GASK1A: variants seen among roughly 807,000 people sequenced by gnomAD.
The protein encoded by GASK1A is Golgi-associated kinase 1A.
A neutral mutation model predicts 41.2 loss-of-function variants in GASK1A; 40 were observed. That is an observed-to-expected ratio of 0.97 (90% CI 0.75 to 1.27). The LOEUF is 1.27. Ranked by LOEUF, GASK1A falls within the 50% of genes most tolerant of loss-of-function variation. GASK1A has a pLI of 0.00. For synonymous variants in GASK1A, 316 were observed against 307.1 expected (o/e 1.03, Z -0.30); for missense variants, 678 against 745.1 (o/e 0.91, Z 1.05).
At chr3:42,996,236 A>C (rs562280612) in intron 1 of GASK1A, among the ~76,000 whole-genome samples, 2 of 152,344 alleles carry the variant, frequency 1.3e-5, no homozygotes, top group East Asian at 3.9e-4. Context: ...GGAAATTACC[A>C]TCATGGTAAT....
At chr3:42,982,106 T>C (rs994772082) in intron 1 of GASK1A, among the ~76,000 whole-genome samples, 1 of 152,178 alleles carries the variant, frequency 6.6e-6, no homozygotes, top group African/African-American at 2.4e-5. Flanking sequence ...GGGGGCATTT[T>C]TGATTATCCT....
chr3:42,993,540 A>T (rs6807814), intron 1 of GASK1A, among the ~76,000 whole-genome samples: 34,887 of 151,976 alleles, frequency 0.23, 4,068 homozygotes, highest in Middle Eastern at 0.32. Flanking sequence ...TTTTCATTTT[A>T]TACAATAAAA....
intron 1 of GASK1A, among the ~76,000 whole-genome samples, chr3:42,996,149 A>C (rs1430669734): frequency 6.6e-6 from 1 of 152,182 alleles, no homozygotes; most frequent in Non-Finnish European, 1.5e-5. Context: ...CTCCGTTGAC[A>C]TTCCTGCCTA....
intron 2 of GASK1A, among the ~76,000 whole-genome samples, chr3:43,041,608 A>T (rs755104134): frequency 6.6e-6 from 1 of 152,220 alleles, no homozygotes. Context: ...TTTCTTCTGC[A>T]TATTAACTTT....
At chr3:43,003,492 C>CA (rs34122767) in intron 1 of GASK1A, among the ~76,000 whole-genome samples, 2,155 of 95,380 alleles carry the variant, frequency 0.023, 35 homozygotes, top group Middle Eastern at 0.058. Flanking sequence ...GAGACTGTCT[C>CA]AAAAAAAAAA....
chr3:43,043,230 C>T (rs1050363091), intron 2 of GASK1A, among the ~76,000 whole-genome samples: 17 of 152,250 alleles, frequency 1.1e-4, no homozygotes, highest in African/African-American at 2.9e-4. Context: ...AGTGTCTCTG[C>T]GCTAGGGGCA....
chr3:43,000,346 C>T (rs1271340663), intron 1 of GASK1A, among the ~76,000 whole-genome samples: 2 of 152,258 alleles, frequency 1.3e-5, no homozygotes, highest in Non-Finnish European at 2.9e-5. Context: ...GGGTTTTGCT[C>T]TTCAGTCAGA....
Position 43,056,307 on chromosome 3 carries a change from C to T in GASK1A, c.1649C>T (p.Thr550Ile). 6.4e-7 allele frequency: 1 copy of T among 1,551,648 alleles called. No individual in the cohort carries two copies. Among genetic ancestry groups the T allele is most frequent in the Non-Finnish European group, 8.7e-7 (1 of 1,146,998 alleles). ...GAQGLKQVLQ[T>I]LEQRGQVLLG... is the part of the protein sequence containing the mutation. ...CAGGGGCTGAAGCAGGTCCTCCAGA[C>T]CCTGGAGCAGCGAGGACAGGTGCTG... is the stretch of plus-strand genomic sequence containing the variant. The change falls in exon 5 of 5, where the codon ACC becomes ATC. Residue 550 changes from threonine to isoleucine, a missense_variant. Thr to Ile is a moderately conservative substitution (Grantham distance 89). Coordinates refer to ENST00000430121, the MANE Select transcript of GASK1A (RefSeq NM_001129908.3).
rs188821490 is a variant in GASK1A, at chr3:43,037,207, C to T, written c.1290+3654C>T. On this transcript the variant is annotated intron_variant, in intron 2 of 4. Transcript: ENST00000430121. ...GAACCTAAGTCAAAATCTGGGGGAT[C>T]GAAGTCCTCTGCTATGTCTTCAGAC... 1,371 of 1,131,888 alleles carry T rather than the reference C, an allele frequency of 1.2e-3. 11 individuals carry two copies. Among genetic ancestry groups the T allele is most frequent in the South Asian group, 5.2e-3 (414 of 79,588 alleles). The allele number at this position is 1,131,888 out of a possible 1,614,324, so 70.1% of individuals were successfully genotyped here.
At chr3:43,031,986 A>C (rs2089578181) in intron 1 of GASK1A, among the ~76,000 whole-genome samples, 2 of 152,208 alleles carry the variant, frequency 1.3e-5, no homozygotes, top group African/African-American at 4.8e-5. Flanking sequence ...TTGTAATGGC[A>C]GTTTATTCAA....
chr3:43,026,102 C>T (rs1358047141), intron 1 of GASK1A, among the ~76,000 whole-genome samples: 1 of 152,104 alleles, frequency 6.6e-6, no homozygotes. Flanking sequence ...GAATCACCAT[C>T]CCCCGCTTGT....
At position 43,032,562 on chromosome 3, in the gene GASK1A, G is replaced by A. The variant is rs1296559897; in HGVS notation, c.299G>A (p.Arg100Lys). ...VCAEEQGHRA[R>K]VDRSRESPGG... ...GCTGAGGAGCAAGGCCATAGAGCAA[G>A]AGTGGACAGAAGCAGGGAGTCCCCA... The change falls in exon 2 of 5, where the codon AGA becomes AAA. Residue 100 changes from arginine to lysine, a missense_variant. Transcript: ENST00000430121. 6.4e-7 allele frequency: 1 copy of A among 1,550,672 alleles called. No homozygotes were observed. The highest frequency in any genetic ancestry group is 8.7e-7 in the Non-Finnish European group (1 of 1,146,086).
chr3:43,035,009 C>A (rs1040706231), intron 2 of GASK1A, among the ~76,000 whole-genome samples: 1 of 152,216 alleles, frequency 6.6e-6, no homozygotes, highest in Admixed American at 6.5e-5. Flanking sequence ...CTCCTCCAAT[C>A]TATGTCCCCG....
intron 2 of GASK1A, among the ~76,000 whole-genome samples, chr3:43,041,485 G>T (rs944497904): frequency 6.6e-6 from 1 of 152,216 alleles, no homozygotes; most frequent in Non-Finnish European, 1.5e-5. Context: ...GTGATGGTGA[G>T]CATTTTTTCA....
At chr3:43,050,164 T>C (rs1035283865) in intron 2 of GASK1A, among the ~76,000 whole-genome samples, 4 of 152,214 alleles carry the variant, frequency 2.6e-5, no homozygotes, top group African/African-American at 9.6e-5. Flanking sequence ...TGTCCTTTCA[T>C]TCAACCTGAA....
rs188972986 is a variant in GASK1A at position 43,050,336 on chromosome 3, A to G, written c.1291-3185A>G. Among the ~76,000 whole-genome samples, 96 of 152,060 alleles carry G rather than the reference A, an allele frequency of 6.3e-4. 1 individual carries two copies. Among genetic ancestry groups the G allele is most frequent in the Admixed American group, 6.3e-3 (96 of 15,284 alleles). On this transcript the variant is annotated intron_variant, in intron 2 of 4. Coordinates refer to ENST00000430121, the MANE Select transcript of GASK1A (RefSeq NM_001129908.3). Reference sequence around the variant, plus strand: ...CTCTTTTTTTTAATTTAATTTCAACACTTTGAATGTTATTCCTCTGCCTTT... The same window carrying G: ...CTCTTTTTTTTAATTTAATTTCAACGCTTTGAATGTTATTCCTCTGCCTTT...
At chr3:43,041,615 CT>C (rs745757072) in intron 2 of GASK1A, among the ~76,000 whole-genome samples, 15 of 152,196 alleles carry the variant, frequency 9.9e-5, no homozygotes, top group Non-Finnish European at 1.8e-4. Flanking sequence ...TGCATATTAA[CT>C]TTGCCACCAT....
chr3:43,009,170 G>A (rs907736800), intron 1 of GASK1A, among the ~76,000 whole-genome samples: 5 of 152,126 alleles, frequency 3.3e-5, no homozygotes, highest in Admixed American at 6.5e-5. Context: ...GGGCAAAGCT[G>A]GGGGGTTGGA....
At chr3:43,025,734 GT>G (rs1053208233) in intron 1 of GASK1A, among the ~76,000 whole-genome samples, 2 of 152,248 alleles carry the variant, frequency 1.3e-5, no homozygotes, top group Non-Finnish European at 2.9e-5. Flanking sequence ...TTGGAAAAAG[GT>G]CGTTGCTCTG....
Sources: allele counts gnomAD v4.1 joint callset (sites outside exome capture counted in the v4.1 genomes callset), GRCh38; gene constraint gnomAD v4.1.1; transcripts MANE v1.5; gene names NCBI Gene and HGNC (gene_info 2026-07-23, HGNC 2026-07-21).